Variants in MXD1 observed in about 807,000 individuals in gnomAD.
MXD1 encodes the protein MAX dimerization protein 1, also known as MAX-binding protein.
MXD1 carries 9 observed loss-of-function variants against 25.7 expected under a neutral mutation model. The observed-to-expected ratio is 0.35, with a 90% confidence interval of 0.21 to 0.61. The LOEUF (loss-of-function observed/expected upper bound fraction) is 0.61. MXD1 is among the 20% of genes least tolerant of loss of function. The pLI is 0.75. For synonymous variants in MXD1, 99 were observed against 113.9 expected (o/e 0.87, Z 0.83); for missense variants, 227 against 292.4 (o/e 0.78, Z 1.63).
At chr2:69,931,531 G>T (rs369417417) in intron 3 of MXD1, among the ~76,000 whole-genome samples, 1 of 152,080 alleles carries the variant, frequency 6.6e-6, no homozygotes. Context: ...TGGCTGAATA[G>T]TACTCCATTA....
At chr2:69,937,209 CCAACA>C in intron 4 of MXD1, 21 bp from the exon 5 acceptor site, 1 of 1,610,678 alleles carries the variant, frequency 6.2e-7, no homozygotes, top group Non-Finnish European at 8.5e-7. Context: ...CCTGTGGGGC[CCAACA>C]ACTACCCCTT....
Position 69,938,003 on chromosome 2 carries a change from T to C in MXD1, c.479-94T>C. 3.2e-6 allele frequency: 4 copies of C among 1,246,562 alleles called. No individual in the cohort carries two copies. The South Asian group carries it at 5.7e-5, about 18-fold the overall frequency. 77.2% of individuals were successfully genotyped at this position (1,246,562 alleles called of 1,614,324 possible). A position where few individuals can be genotyped will look rare whatever the true frequency, so the allele number is the denominator to read the frequency against. Reference sequence around the variant, plus strand: ...CTCAAGTGATCCACCCGCCTTTGCCTCCCAAAGTGCTGGGATTACAAGCAT... The same window carrying C: ...CTCAAGTGATCCACCCGCCTTTGCCCCCCAAAGTGCTGGGATTACAAGCAT... On this transcript the variant is annotated intron_variant, in intron 5 of 5. Transcript: ENST00000264444.
Position 69,915,543 on chromosome 2 carries a change from C to G in MXD1, c.73+140C>G, listed in dbSNP as rs1676945829. On this transcript the variant is annotated intron_variant, in intron 1 of 5. Coordinates refer to ENST00000264444, the MANE Select transcript of MXD1 (RefSeq NM_002357.4). This position sits in a 1 kb window ranked among gnomAD's most constrained non-coding sequence, Gnocchi z 5.8. Reference sequence around the variant, plus strand: ...GCGCTCCCAACCCCTCTGGCTCTCCCCACGCGCGGTCCGAAGGGAAGCCGC... The same window carrying G: ...GCGCTCCCAACCCCTCTGGCTCTCCGCACGCGCGGTCCGAAGGGAAGCCGC... 1 of 608,294 alleles carries G rather than the reference C, an allele frequency of 1.6e-6. No homozygotes were observed. The highest frequency in any genetic ancestry group is 2.4e-6 in the Non-Finnish European group (1 of 408,992). The allele number at this position is 608,294 out of a possible 1,614,324, so 37.7% of individuals were successfully genotyped here.
chr2:69,918,367 T>C (rs1349331912), intron 2 of MXD1, among the ~76,000 whole-genome samples: 1 of 152,236 alleles, frequency 6.6e-6, no homozygotes, highest in African/African-American at 2.4e-5. Context: ...GCAGATCTTA[T>C]TCACGTTTCT....
chr2:69,925,965 G>A (rs1677161464), intron 3 of MXD1, among the ~76,000 whole-genome samples: 1 of 152,118 alleles, frequency 6.6e-6, no homozygotes, highest in Non-Finnish European at 1.5e-5. Flanking sequence ...CAGGCAACTT[G>A]TTTTAATTTG....
In MXD1 at chr2:69,938,086, C is replaced by T; in HGVS notation, c.479-11C>T. The stretch of plus-strand genomic sequence containing the variant: ...TTTCATCAATGTCCTTCTCTCTTGT[C>T]CTCCCTGCAGAAGAAATCGACGTTG... On this transcript the variant is annotated splice_polypyrimidine_tract_variant and intron_variant, in intron 5 of 5. Coordinates refer to ENST00000264444, the MANE Select transcript of MXD1 (RefSeq NM_002357.4). The T allele has an allele frequency of 6.2e-7, 1 of 1,612,620 alleles. No homozygotes were observed. Among genetic ancestry groups the T allele is most frequent in the Non-Finnish European group, 8.5e-7 (1 of 1,178,958 alleles).
chr2:69,932,786 A>T (rs1406949945), intron 3 of MXD1, among the ~76,000 whole-genome samples: 1 of 152,146 alleles, frequency 6.6e-6, no homozygotes, highest in Non-Finnish European at 1.5e-5. Flanking sequence ...AAATTCACAC[A>T]CTCATATCTG....
At chr2:69,919,749 C>T (rs1293767036) in intron 2 of MXD1, among the ~76,000 whole-genome samples, 2 of 152,218 alleles carry the variant, frequency 1.3e-5, no homozygotes, top group Non-Finnish European at 2.9e-5. Context: ...TTCTTGTTAA[C>T]TATAGTATCC....
At chr2:69,938,029 G>C in intron 5 of MXD1, 68 bp from the exon 6 acceptor site, 1 of 1,483,094 alleles carries the variant, frequency 6.7e-7, no homozygotes, top group Non-Finnish European at 9.2e-7. Flanking sequence ...TTACAAGCAT[G>C]AGCCACCACG....
intron 3 of MXD1, among the ~76,000 whole-genome samples, chr2:69,933,006 C>T (rs1677328834): frequency 6.6e-6 from 1 of 151,950 alleles, no homozygotes; most frequent in South Asian, 2.1e-4. Flanking sequence ...CGAGACCAGC[C>T]TGGCCAACAT....
chr2:69,924,174 A>G (rs558168096), intron 3 of MXD1, among the ~76,000 whole-genome samples: 5 of 152,360 alleles, frequency 3.3e-5, no homozygotes, highest in African/African-American at 1.2e-4. Context: ...CCAATGGGAA[A>G]GATGCAGAGA....
intron 3 of MXD1, among the ~76,000 whole-genome samples, chr2:69,929,174 T>G (rs920355672): frequency 1.3e-5 from 2 of 152,348 alleles, no homozygotes; most frequent in Non-Finnish European, 2.9e-5. Context: ...ATTACAGGCG[T>G]GAGCCACTGC....
intron 3 of MXD1, among the ~76,000 whole-genome samples, chr2:69,925,248 A>G (rs916841805): frequency 9.4e-5 from 14 of 149,690 alleles, no homozygotes; most frequent in South Asian, 2.1e-4. Context: ...AGGGTGGGGT[A>G]TGTGTGTGTG....
rs759461443 is a variant in MXD1, at chr2:69,941,530, A to G, written c.*3246A>G. ...TTTCAGTGTTGATTCAGAACTGAAC[A>G]TTAAGTAGGCCCTCGTCCTGCAGTT... On this transcript the variant is annotated 3_prime_UTR_variant, in exon 6 of 6. Transcript: ENST00000264444. 4 of 152,242 alleles carry G rather than the reference A, an allele frequency of 2.6e-5. No homozygotes were observed. The highest frequency in any genetic ancestry group is 2.6e-4 in the Admixed American group (4 of 15,286). The allele number at this position is 152,242 out of a possible 1,614,324, so 9.4% of individuals were successfully genotyped here.
chr2:69,938,674 T>C lies in MXD1; in HGVS notation c.*390T>C, dbSNP rs1299048096. ...CCTAGGAGGAATGTCCAAGTGTGTC[T>C]TGTACTTAGGAAACTGAAGGAAACA... On this transcript the variant is annotated 3_prime_UTR_variant, in exon 6 of 6. Transcript: ENST00000264444. 3 of 163,002 alleles carry C rather than the reference T, an allele frequency of 1.8e-5. No homozygotes were observed. The highest frequency in any genetic ancestry group is 4.0e-5 in the Non-Finnish European group (3 of 74,426). 10.1% of individuals were successfully genotyped at this position (163,002 alleles called of 1,614,324 possible). A position where few individuals can be genotyped will look rare whatever the true frequency, so the allele number is the denominator to read the frequency against.
In MXD1 at chr2:69,942,505, C is replaced by T. The variant is rs1677632774; in HGVS notation, c.*4221C>T. 6.6e-6 allele frequency: 1 copy of T among 152,152 alleles called. No individual in the cohort carries two copies. Among genetic ancestry groups the T allele is most frequent in the African/African-American group, 2.4e-5 (1 of 41,426 alleles). The allele number at this position is 152,152 out of a possible 1,614,324, so 9.4% of individuals were successfully genotyped here. On this transcript the variant is annotated 3_prime_UTR_variant, in exon 6 of 6. Coordinates refer to ENST00000264444, the MANE Select transcript of MXD1 (RefSeq NM_002357.4). ...CTCTCAAAATCATAAAGTGAGAATT[C>T]ATAAGGCACCCAATGTTAAGATTTA...
chr2:69,918,624 T>C (rs898682848), intron 2 of MXD1, among the ~76,000 whole-genome samples: 1 of 152,218 alleles, frequency 6.6e-6, no homozygotes, highest in Non-Finnish European at 1.5e-5. Flanking sequence ...CCAGTTGTTT[T>C]ATAAGACAGT....
chr2:69,930,416 C>G (rs1163293507), intron 3 of MXD1, among the ~76,000 whole-genome samples: 3 of 152,162 alleles, frequency 2.0e-5, no homozygotes, highest in African/African-American at 7.2e-5. Flanking sequence ...AGAAGTGAGG[C>G]AGCTGCCTCC....
chr2:69,930,095 C>A (rs572556450), intron 3 of MXD1, among the ~76,000 whole-genome samples: 1 of 152,262 alleles, frequency 6.6e-6, no homozygotes, highest in East Asian at 1.9e-4. Flanking sequence ...ACTTGAGGAA[C>A]ATTGACATTT....
Sources: allele counts gnomAD v4.1 joint callset (sites outside exome capture counted in the v4.1 genomes callset), GRCh38; gene constraint gnomAD v4.1.1; non-coding constraint Gnocchi (gnomAD v3.1); transcripts MANE v1.5; gene names NCBI Gene and HGNC (gene_info 2026-07-23, HGNC 2026-07-21).